The following XK variants were observed in gnomAD, a reference collection of about 807,000 sequenced individuals.
The protein encoded by XK is X-linked Kx blood group antigen, Kell and VPS13A binding protein.
In XK, 2 loss-of-function variants were observed where a neutral mutation model predicts 14.0. The ratio of observed to expected loss-of-function variants is 0.14; its 90% CI spans 0.06 to 0.45. XK has a LOEUF of 0.45. Ranked by LOEUF, XK falls within the 20% of genes least tolerant of loss-of-function variation. The pLI, the probability that XK is intolerant of heterozygous loss-of-function variation, is 0.98. For missense variants in XK, 235 were observed against 341.5 expected (o/e 0.69, Z 2.46); for synonymous variants, 149 against 147.5 (o/e 1.01, Z -0.08).
chrX:37,731,554 GTTA>G lies in XK; in HGVS notation c.*3097_*3099del, dbSNP rs1556451198. On this transcript the variant is annotated 3_prime_UTR_variant, in exon 3 of 3. Transcript: ENST00000378616. ...TTTAAGTGCTATGCATATTTATAGAGTTATTATAGTTATTCAAATCCATAAGCA... is the reference window on the plus strand; with the variant it reads ...TTTAAGTGCTATGCATATTTATAGAGTTATAGTTATTCAAATCCATAAGCA... 1 of 112,186 alleles carries G rather than the reference GTTA, an allele frequency of 8.9e-6. No individual in the cohort carries two copies. Among genetic ancestry groups the G allele is most frequent in the African/African-American group, 3.2e-5 (1 of 30,885 alleles). 9.2% of individuals were successfully genotyped at this position (112,186 alleles called of 1,213,427 possible).
At chrX:37,706,823 G>A (rs1387918328) in intron 2 of XK, among the ~76,000 whole-genome samples, 1 of 108,726 alleles carries the variant, frequency 9.2e-6, no homozygotes, top group Admixed American at 9.8e-5. Context: ...AGATTAGGGA[G>A]TGGTGATGAC....
At chrX:37,723,818 GA>G (rs1927924131) in intron 2 of XK, among the ~76,000 whole-genome samples, 1 of 111,053 alleles carries the variant, frequency 9.0e-6, no homozygotes, top group Non-Finnish European at 1.9e-5. Flanking sequence ...TAAGGACTAT[GA>G]AAAAATGATT....
At chrX:37,686,594 T>C (rs1352985991) in intron 1 of XK, among the ~76,000 whole-genome samples, 6 of 111,971 alleles carry the variant, frequency 5.4e-5, no homozygotes, top group Non-Finnish European at 1.9e-5. Context: ...AAGCTGTGGT[T>C]ACGGGGACAG....
At chrX:37,707,508 AAGGG>A (rs1927560342) in intron 2 of XK, among the ~76,000 whole-genome samples, 1 of 96,938 alleles carries the variant, frequency 1.0e-5, no homozygotes, top group African/African-American at 4.1e-5. Flanking sequence ...TGCCGGGCGG[AAGGG>A]CTCCTCACTT....
chrX:37,730,463 G>C lies in XK; in HGVS notation c.*2001G>C, dbSNP rs1405330891. On this transcript the variant is annotated 3_prime_UTR_variant, in exon 3 of 3. Coordinates refer to ENST00000378616, the MANE Select transcript of XK (RefSeq NM_021083.4). The stretch of plus-strand genomic sequence containing the variant: ...CAAAAGGGCTCTATAATGATTAGGA[G>C]AGCTGTAAGGCCATTCTTTAGTCAT... 1 of 112,600 alleles carries C rather than the reference G, an allele frequency of 8.9e-6. No individual in the cohort carries two copies. Among genetic ancestry groups the C allele is most frequent in the Non-Finnish European group, 1.9e-5 (1 of 53,276 alleles). 9.3% of individuals were successfully genotyped at this position (112,600 alleles called of 1,213,427 possible).
intron 2 of XK, among the ~76,000 whole-genome samples, chrX:37,725,574 A>G (rs782236291): frequency 1.8e-5 from 2 of 111,361 alleles, no homozygotes; most frequent in Non-Finnish European, 3.8e-5. Context: ...CCTGCGATCC[A>G]GCAAACAAAT....
intron 1 of XK, among the ~76,000 whole-genome samples, chrX:37,687,180 T>TCTCTC (rs1927095874): frequency 1.2e-5 from 1 of 82,015 alleles, no homozygotes. Context: ...CTCTCTCTCT[T>TCTCTC]TCTCTCTCTC....
intron 2 of XK, among the ~76,000 whole-genome samples, chrX:37,716,818 T>G (rs374223447): frequency 2.3e-4 from 26 of 111,945 alleles, no homozygotes; most frequent in Middle Eastern, 4.6e-3. Context: ...TTGTTTGTTT[T>G]TTTGGTGTAA....
At chrX:37,694,771 G>A (rs1927277634) in intron 2 of XK, among the ~76,000 whole-genome samples, 1 of 112,094 alleles carries the variant, frequency 8.9e-6, no homozygotes, top group East Asian at 2.8e-4. Flanking sequence ...GTGATCCACT[G>A]TGGATCAGCT....
At chrX:37,687,108 G>T (rs147312434) in intron 1 of XK, among the ~76,000 whole-genome samples, 1,467 of 108,819 alleles carry the variant, frequency 0.013, 25 homozygotes, top group African/African-American at 0.046. Flanking sequence ...AGATGGAAAG[G>T]CCAGAGAGAC....
At chrX:37,689,224 C>G (rs1602144047) in intron 1 of XK, among the ~76,000 whole-genome samples, 1 of 112,031 alleles carries the variant, frequency 8.9e-6, no homozygotes, top group East Asian at 2.8e-4. Context: ...AGCTGAGATA[C>G]AAAATGTGGT....
In XK at chrX:37,728,612, T is replaced by G. The variant is rs1210892036; in HGVS notation, c.*150T>G. On this transcript the variant is annotated 3_prime_UTR_variant, in exon 3 of 3. Coordinates refer to ENST00000378616, the MANE Select transcript of XK (RefSeq NM_021083.4). ...CTTCTCTTTATAGAGCTCTTGGGTATGTAGAACTGTATGGGAAGAAGCCAG... is the reference window on the plus strand; with the variant it reads ...CTTCTCTTTATAGAGCTCTTGGGTAGGTAGAACTGTATGGGAAGAAGCCAG... The G allele has an allele frequency of 8.4e-6, 5 of 592,912 alleles. No individual in the cohort carries two copies. Among genetic ancestry groups the G allele is most frequent in the Non-Finnish European group, 1.3e-5 (5 of 372,687 alleles). The allele number at this position is 592,912 out of a possible 1,213,427, so 48.9% of individuals were successfully genotyped here.
At chrX:37,695,345 C>T in intron 2 of XK, among the ~76,000 whole-genome samples, 1 of 111,102 alleles carries the variant, frequency 9.0e-6, no homozygotes, top group East Asian at 2.8e-4. Flanking sequence ...TCTTCTTAGA[C>T]TTGTAATAGG....
At chrX:37,709,899 T>A (rs1276373975) in intron 2 of XK, among the ~76,000 whole-genome samples, 1 of 111,901 alleles carries the variant, frequency 8.9e-6, no homozygotes, top group African/African-American at 3.2e-5. Context: ...ATAGAGTTTG[T>A]AGCTTCAATT....
Position 37,697,678 on chromosome X carries a change from A to C in XK, c.508+3130A>C, listed in dbSNP as rs192263886. 3.6e-5 allele frequency among the ~76,000 whole-genome samples: 4 copies of C among 112,389 alleles called. No individual in the cohort carries two copies. The East Asian group carries it at 1.1e-3, about 31-fold the overall frequency. On this transcript the variant is annotated intron_variant, in intron 2 of 2. Transcript: ENST00000378616. ...TTTTCTTCATTGCAATATAATTCAT[A>C]TAACATAAATTTCACTACTTTGGGT... is the stretch of plus-strand genomic sequence containing the variant.
chrX:37,693,140 C>T (rs1329926791), intron 1 of XK, among the ~76,000 whole-genome samples: 1 of 111,533 alleles, frequency 9.0e-6, no homozygotes, highest in Non-Finnish European at 1.9e-5. Context: ...TTCCAGTTGC[C>T]GTAGTCACCT....
At chrX:37,721,837 T>C (rs1412233555) in intron 2 of XK, among the ~76,000 whole-genome samples, 1 of 111,727 alleles carries the variant, frequency 9.0e-6, no homozygotes, top group Non-Finnish European at 1.9e-5. Context: ...GTCTTGTATA[T>C]CCATACAATG....
rs782495396 is a variant in XK, at chrX:37,694,218, T to C, written c.246-68T>C. On this transcript the variant is annotated intron_variant, in intron 1 of 2. Transcript: ENST00000378616. Reference sequence around the variant, plus strand: ...CTTTAAGAATCAGGCTAAAGGTAAGTAGGATGAGCATGGAAAGTCAGAATC... The same window carrying C: ...CTTTAAGAATCAGGCTAAAGGTAAGCAGGATGAGCATGGAAAGTCAGAATC... The C allele has an allele frequency of 1.0e-5, 12 of 1,182,325 alleles. No homozygotes were observed. In the East Asian group the frequency reaches 3.0e-4, roughly 29 times the overall value.
At position 37,693,476 on chromosome X, in the gene XK, C is replaced by CGTGTGTGT. The variant is rs781954179; in HGVS notation, c.246-791_246-784dup. On this transcript the variant is annotated intron_variant, in intron 1 of 2. Coordinates refer to ENST00000378616, the MANE Select transcript of XK (RefSeq NM_021083.4). Reference sequence around the variant, plus strand: ...TCACATATTTATCCATCTATCAATTCGTGTGTGTGTGTGTGTGTGTGTGTG... The same window carrying CGTGTGTGT: ...TCACATATTTATCCATCTATCAATTCGTGTGTGTGTGTGTGTGTGTGTGTGTGTGTGTG... Among the ~76,000 whole-genome samples, 643 of 95,936 alleles carry CGTGTGTGT rather than the reference C, an allele frequency of 6.7e-3. 7 individuals are homozygous for CGTGTGTGT. Among genetic ancestry groups the CGTGTGTGT allele is most frequent in the African/African-American group, 0.022 (568 of 25,893 alleles). 83.3% of individuals were successfully genotyped at this position (95,936 alleles called of 115,157 possible). A position where few individuals can be genotyped will look rare whatever the true frequency, so the allele number is the denominator to read the frequency against.
Sources: allele counts gnomAD v4.1 joint callset (sites outside exome capture counted in the v4.1 genomes callset), GRCh38; gene constraint gnomAD v4.1.1; transcripts MANE v1.5; gene names NCBI Gene and HGNC (gene_info 2026-07-23, HGNC 2026-07-21).